The following ATG3 variants were observed in gnomAD, a reference collection of about 807,000 sequenced individuals.
The protein encoded by ATG3 is autophagy related 3.
ATG3 carries 25 observed loss-of-function variants against 50.7 expected under a neutral mutation model. That is an observed-to-expected ratio of 0.49 (90% CI 0.36 to 0.69). The LOEUF is 0.69. Ranked by LOEUF, ATG3 falls within the 30% of genes least tolerant of loss-of-function variation. ATG3 has a pLI of 0.00. For synonymous variants in ATG3, 119 were observed against 125.5 expected (o/e 0.95, Z 0.34); for missense variants, 281 against 376.0 (o/e 0.75, Z 2.09).
chr3:112,549,675 G>A (rs1420113553), intron 4 of ATG3, among the ~76,000 whole-genome samples: 1 of 151,764 alleles, frequency 6.6e-6, no homozygotes, highest in Non-Finnish European at 1.5e-5. Context: ...CGGGCGTGGT[G>A]GCAGGCCTGT....
intron 9 of ATG3, among the ~76,000 whole-genome samples, chr3:112,536,920 CAAAAAAAAAAAAAAAAAAAAAAAAA>C (rs56353465): frequency 5.7e-4 from 39 of 68,422 alleles, no homozygotes; most frequent in Middle Eastern, 9.1e-3. Context: ...GACTCCATCT[CAAAAAAAAAAAAAAAAAAAAAAAAA>C]AAAAAAAAAA....
chr3:112,560,408 T>C (rs575583941), intron 1 of ATG3, among the ~76,000 whole-genome samples: 1 of 152,328 alleles, frequency 6.6e-6, no homozygotes, highest in Non-Finnish European at 1.5e-5. Context: ...GGCCAATAAG[T>C]TATTCTTTTA....
chr3:112,554,617 G>C (rs972662330), intron 2 of ATG3, among the ~76,000 whole-genome samples: 1 of 152,184 alleles, frequency 6.6e-6, no homozygotes, highest in Non-Finnish European at 1.5e-5. Flanking sequence ...ACACATGGAC[G>C]CATGTGACAC....
At chr3:112,541,346 C>A (rs911284360) in intron 7 of ATG3, among the ~76,000 whole-genome samples, 3 of 151,462 alleles carry the variant, frequency 2.0e-5, no homozygotes, top group Admixed American at 1.3e-4. Flanking sequence ...GAGATCGCAC[C>A]ACTGCACTCC....
chr3:112,550,520 T>C (rs1294147606), intron 3 of ATG3, among the ~76,000 whole-genome samples: 2 of 152,092 alleles, frequency 1.3e-5, no homozygotes, highest in Admixed American at 1.3e-4. Context: ...ACAAAAAAGG[T>C]AGAATAATAT....
intron 11 of ATG3, 163 bp from the exon 12 acceptor site, chr3:112,532,943 T>A (rs1158085488): frequency 1.5e-6 from 2 of 1,294,290 alleles, no homozygotes; most frequent in East Asian, 6.4e-5. Flanking sequence ...TTGTGTCTAT[T>A]TAACATGAGG....
At chr3:112,545,019 C>G (rs1300074420) in intron 5 of ATG3, among the ~76,000 whole-genome samples, 2 of 152,096 alleles carry the variant, frequency 1.3e-5, no homozygotes, top group African/African-American at 2.4e-5. Context: ...GTAGGATACC[C>G]AAAGGTAGTA....
In ATG3 at chr3:112,538,565, C is replaced by T. The variant is rs190809618; in HGVS notation, c.476-385G>A. Among the ~76,000 whole-genome samples, 17 of 152,302 alleles carry T rather than the reference C, an allele frequency of 1.1e-4. No individual in the cohort carries two copies. The East Asian group carries it at 3.3e-3, about 29-fold the overall frequency. ...TTTAGTCCCTTCTCCTTGGAACATA[C>T]TTTCTTTCCTTGGCTTTTAAAATAT... On this transcript the variant is annotated intron_variant, in intron 7 of 11. Transcript: ENST00000283290.
rs1341980770 is a variant in ATG3, at chr3:112,537,734, C to T, written c.666+1G>A. On this transcript the variant is annotated splice_donor_variant, in intron 9 of 11. Transcript: ENST00000283290. LOFTEE classifies it high-confidence loss of function. ...TAAAATATAATGCTTTTCATTTTTA[C>T]CTCATCATAGCCAAACAACCATAAT... The T allele has an allele frequency of 1.3e-6, 2 of 1,542,688 alleles. No individual in the cohort carries two copies. Among genetic ancestry groups the T allele is most frequent in the Non-Finnish European group, 1.7e-6 (2 of 1,149,046 alleles).
chr3:112,548,397 C>A, intron 5 of ATG3, 136 bp downstream of exon 5: 1 of 731,184 alleles, frequency 1.4e-6, no homozygotes, highest in South Asian at 2.0e-5. Flanking sequence ...AAAATTTGTC[C>A]TCCTGCTTTT....
At chr3:112,555,851 T>G (rs1249912614) in intron 2 of ATG3, among the ~76,000 whole-genome samples, 2 of 152,204 alleles carry the variant, frequency 1.3e-5, no homozygotes, top group African/African-American at 4.8e-5. Context: ...ATAAATTGAT[T>G]GATGTTGTAA....
chr3:112,543,328 A>G (rs911181992), intron 6 of ATG3, among the ~76,000 whole-genome samples: 1 of 152,130 alleles, frequency 6.6e-6, no homozygotes. Flanking sequence ...AAACATGAAG[A>G]CAACTGCGGT....
At chr3:112,552,864 T>C (rs1933564958) in intron 3 of ATG3, among the ~76,000 whole-genome samples, 1 of 152,072 alleles carries the variant, frequency 6.6e-6, no homozygotes, top group Admixed American at 6.5e-5. Context: ...GCCAGGATGG[T>C]CTCCATCTCC....
chr3:112,533,629 T>C, intron 11 of ATG3: 1 of 985,340 alleles, frequency 1.0e-6, no homozygotes, highest in Non-Finnish European at 1.2e-6. Context: ...TAATTCAAGC[T>C]ATCTGGCATG....
intron 9 of ATG3, 90 bp downstream of exon 9, chr3:112,537,645 G>A: frequency 1.0e-6 from 1 of 953,916 alleles, no homozygotes; most frequent in Non-Finnish European, 1.5e-6. Context: ...GTGAAACACT[G>A]CAATAAATAC....
intron 10 of ATG3, chr3:112,535,102 A>T (rs1244151410): frequency 9.9e-5 from 15 of 152,158 alleles, no homozygotes; most frequent in Non-Finnish European, 4.4e-5. Flanking sequence ...GTGATATCAA[A>T]GTTAGTATCT....
At chr3:112,553,256 T>C in intron 3 of ATG3, 24 bp downstream of exon 3, 1 of 1,584,236 alleles carries the variant, frequency 6.3e-7, no homozygotes, top group South Asian at 1.1e-5. Context: ...ACTAATTTTC[T>C]ATTCTTTACT....
intron 7 of ATG3, among the ~76,000 whole-genome samples, chr3:112,539,792 A>G (rs915091137): frequency 5.9e-5 from 9 of 152,232 alleles, no homozygotes; most frequent in Non-Finnish European, 1.2e-4. Flanking sequence ...GCAAAATTAC[A>G]TATATAGCAA....
chr3:112,541,164 C>T (rs1182924999), intron 7 of ATG3, among the ~76,000 whole-genome samples: 2 of 151,878 alleles, frequency 1.3e-5, no homozygotes, highest in African/African-American at 2.4e-5. Flanking sequence ...CCGAGGTGGG[C>T]GATCATGAGG....
Sources: gnomAD v4.1 joint callset for allele counts (sites outside exome capture counted in the v4.1 genomes callset) on GRCh38, gnomAD v4.1.1 for gene constraint, MANE v1.5 for transcripts, NCBI Gene and HGNC (gene_info 2026-07-23, HGNC 2026-07-21) for gene names.